Variants in HERC2 observed in about 807,000 individuals in gnomAD.
HERC2 encodes the protein E3 ubiquitin-protein ligase HERC2.
In HERC2, 102 loss-of-function variants were observed where a neutral mutation model predicts 537.7. The observed-to-expected ratio is 0.19, with a 90% confidence interval of 0.16 to 0.22. HERC2 has a LOEUF of 0.22. Among genes scored for constraint, HERC2 ranks in the 10% least tolerant of loss-of-function variants. HERC2 has a pLI of 1.00. For synonymous variants in HERC2, 2,224 were observed against 2,466.2 expected (o/e 0.90, Z 2.91); for missense variants, 4,236 against 6,198.2 (o/e 0.68, Z 10.63).
chr15:28,308,834 G>A (rs2076862917), intron 2 of HERC2, among the ~76,000 whole-genome samples: 1 of 152,312 alleles, frequency 6.6e-6, no homozygotes, highest in African/African-American at 2.4e-5. Flanking sequence ...CTGTTGACAT[G>A]ATGTATCACA....
At chr15:28,156,321 G>T (rs1397904266) in intron 69 of HERC2, among the ~76,000 whole-genome samples, 3 of 152,156 alleles carry the variant, frequency 2.0e-5, no homozygotes, top group Admixed American at 6.5e-5. Flanking sequence ...TAGCTTGATG[G>T]GGATGGCATT....
In HERC2 at chr15:28,268,429, G is replaced by T; in HGVS notation, c.1598+36C>A. On this transcript the variant is annotated intron_variant, in intron 12 of 92. Transcript: ENST00000261609. This position sits in a 1 kb window ranked among gnomAD's most constrained non-coding sequence, Gnocchi z 4.7. Reference sequence around the variant, plus strand: ...TGTTTAGGATATGGCAACATAAAAGGAGAGTGTGTCCCCTACAGGAATAAG... The same window carrying T: ...TGTTTAGGATATGGCAACATAAAAGTAGAGTGTGTCCCCTACAGGAATAAG... 1.9e-6 allele frequency: 3 copies of T among 1,590,946 alleles called. No individual in the cohort carries two copies. Among genetic ancestry groups the T allele is most frequent in the Non-Finnish European group, 2.6e-6 (3 of 1,164,214 alleles).
intron 44 of HERC2, among the ~76,000 whole-genome samples, chr15:28,207,014 C>CAA (rs545800321): frequency 3.7e-5 from 5 of 135,792 alleles, no homozygotes; most frequent in Admixed American, 1.5e-4. Context: ...CATCTCAAAA[C>CAA]AAAAAAAAAA....
intron 2 of HERC2, 31 bp from the exon 3 acceptor site, chr15:28,299,547 A>C (rs775429415): frequency 2.5e-6 from 3 of 1,177,704 alleles, no homozygotes; most frequent in Non-Finnish European, 3.8e-6. Flanking sequence ...AAGCTTACAG[A>C]GTGCTCACAC....
At chr15:28,144,290 T>C (rs376978108) in intron 72 of HERC2, 55 bp from the exon 73 acceptor site, 2 of 1,578,072 alleles carry the variant, frequency 1.3e-6, no homozygotes, top group East Asian at 2.2e-5. Context: ...TACCACCCCA[T>C]AAGAAGCCGC....
Position 28,182,481 on chromosome 15 carries a change from A to C in HERC2, c.8857T>G (p.Ser2953Ala), listed in dbSNP as rs2140197170. The C allele has an allele frequency of 6.2e-7, 1 of 1,613,716 alleles. No homozygotes were observed. The highest frequency in any genetic ancestry group is 1.1e-5 in the South Asian group (1 of 91,062). ...LIRKKAAGLE[S>A]AATIRTKVFV... ...ACCTTGGTTCTTATCGTAGCTGCTG[A>C]TTCCAGCCCAGCAGCCTTCTTTCTA... The change falls in exon 57 of 93, where the codon TCA becomes GCA. Residue 2953 changes from serine (S) to alanine (A), a missense_variant. Around this residue, in one of 27 missense-constraint regions of HERC2, gnomAD observed 606 missense variants for 884.5 expected, o/e 0.69. Coordinates refer to ENST00000261609, the MANE Select transcript of HERC2 (RefSeq NM_004667.6).
intron 2 of HERC2, among the ~76,000 whole-genome samples, chr15:28,318,389 G>C (rs1467756480): frequency 6.6e-6 from 1 of 152,164 alleles, no homozygotes; most frequent in Non-Finnish European, 1.5e-5. Context: ...CACTTCCGGA[G>C]GCCGAGACGG....
intron 43 of HERC2, among the ~76,000 whole-genome samples, chr15:28,211,929 G>C (rs1237765395): frequency 2.0e-5 from 3 of 152,192 alleles, no homozygotes; most frequent in African/African-American, 7.2e-5. Context: ...AATGAGCAGA[G>C]AGAAGAGCTC....
intron 83 of HERC2, among the ~76,000 whole-genome samples, chr15:28,128,463 GAATT>G (rs1309144848): frequency 6.6e-6 from 1 of 152,114 alleles, no homozygotes; most frequent in Non-Finnish European, 1.5e-5. Flanking sequence ...AAATTTAAAA[GAATT>G]AAATAAGTCA....
rs1321652197 is a variant in HERC2 at position 28,212,480 on chromosome 15, T to C, written c.6890A>G (p.His2297Arg). Reference protein sequence around the residue: ...VNLAGSKLEKHKIKKSTKQAF... With the variant: ...VNLAGSKLEKRKIKKSTKQAF... ...CTGTTTAGTCGATTTCTTTATTTTG[T>C]GCTTTTCTAACTTGCTTCCAGCGAG... is the stretch of plus-strand genomic sequence containing the variant. The change falls in exon 43 of 93, where the codon CAC (histidine) becomes CGC (arginine). Residue 2297 changes from histidine to arginine, a missense_variant. Coordinates refer to ENST00000261609, the MANE Select transcript of HERC2 (RefSeq NM_004667.6). 6.2e-7 allele frequency: 1 copy of C among 1,609,368 alleles called. No individual in the cohort carries two copies. The highest frequency in any genetic ancestry group is 8.5e-7 in the Non-Finnish European group (1 of 1,177,650).
chr15:28,321,349 T>C lies in HERC2; in HGVS notation c.72+13A>G, dbSNP rs1475563424. 14 of 759,786 alleles carry C rather than the reference T, an allele frequency of 1.8e-5. No homozygotes were observed. The highest frequency in any genetic ancestry group is 4.3e-5 in the South Asian group (3 of 69,962). 47.1% of individuals were successfully genotyped at this position (759,786 alleles called of 1,614,324 possible). On this transcript the variant is annotated intron_variant, in intron 2 of 92. Transcript: ENST00000261609. ...GCAGAAACACACCAAGAAAAAGACA[T>C]GTCAAACCCCACCTGTATATCTGTT...
chr15:28,220,644 C>T lies in HERC2; in HGVS notation c.5653G>A (p.Asp1885Asn). 1 of 1,603,648 alleles carries T rather than the reference C, an allele frequency of 6.2e-7. No individual in the cohort carries two copies. ...CGGCCTAGGCCTGGAGGAGGCCCAT[C>T]CTGAGAAAGCCAAAGTAGAGATCAG... ...RGVDWKWGDQ[D>N]GPPPGLGRVI... The change falls in exon 37 of 93, where the codon GAT becomes AAT. Residue 1885 changes from aspartate (D) to asparagine (N), a missense_variant and splice_region_variant. By Grantham distance (23) the Asp-to-Asn change is conservative. This residue lies in a region of HERC2 where 365 missense variants were observed against 468.8 expected (regional missense o/e 0.78). Transcript: ENST00000261609.
intron 76 of HERC2, 22 bp from the exon 77 acceptor site, chr15:28,141,868 T>C (rs1280962404): frequency 6.5e-7 from 1 of 1,550,302 alleles, no homozygotes; most frequent in South Asian, 1.1e-5. Flanking sequence ...TATTATGATG[T>C]TACAAATCAA....
At position 28,269,447 on chromosome 15, in the gene HERC2, A is replaced by T. The variant is rs1380137317; in HGVS notation, c.1258-11T>A. 1.3e-6 allele frequency: 2 copies of T among 1,592,252 alleles called. No individual in the cohort carries two copies. The highest frequency in any genetic ancestry group is 1.3e-5 in the African/African-American group (1 of 74,494). On this transcript the variant is annotated splice_polypyrimidine_tract_variant and intron_variant, in intron 10 of 92. Coordinates refer to ENST00000261609, the MANE Select transcript of HERC2 (RefSeq NM_004667.6). Reference sequence around the variant, plus strand: ...CTCTTGCAATGATCCCTGTAAGATAAGAAAGTAAACATTTCCTTTAACAAC... The same window carrying T: ...CTCTTGCAATGATCCCTGTAAGATATGAAAGTAAACATTTCCTTTAACAAC...
At chr15:28,125,228 A>G (rs1889344766) in intron 83 of HERC2, 35 bp from the exon 84 acceptor site, 8 of 1,548,524 alleles carry the variant, frequency 5.2e-6, no homozygotes, top group Non-Finnish European at 7.1e-6. Context: ...GAACCTGTAT[A>G]CTAGGGCCAA....
chr15:28,130,139 C>T (rs748736694), intron 83 of HERC2, 24 bp downstream of exon 83: 17 of 1,613,692 alleles, frequency 1.1e-5, no homozygotes, highest in Non-Finnish European at 1.4e-5. Flanking sequence ...GGCCTCAGTC[C>T]TGCGGCACTG....
Position 28,114,705 on chromosome 15 carries a change from C to G in HERC2, c.13820G>C (p.Ser4607Thr). 6.2e-7 allele frequency: 1 copy of G among 1,614,136 alleles called. No individual in the cohort carries two copies. The highest frequency in any genetic ancestry group is 1.1e-5 in the South Asian group (1 of 91,072). The change falls in exon 90 of 93, where the codon AGT (serine) becomes ACT (threonine). Residue 4607 changes from serine to threonine, a missense_variant. Physicochemically the swap from Ser to Thr is moderately conservative, Grantham distance 58. Transcript: ENST00000261609. ...CAACTGAATGTCCTGGCCACTGGCACTTGGCACTGTGAAGGGCAGGCTCAT... is the reference window on the plus strand; with the variant it reads ...CAACTGAATGTCCTGGCCACTGGCAGTTGGCACTGTGAAGGGCAGGCTCAT... ...EAMSLPFTVP[S>T]ASGQDIQLSS...
intron 2 of HERC2, among the ~76,000 whole-genome samples, chr15:28,315,346 G>C (rs2077052732): frequency 6.6e-6 from 1 of 152,232 alleles, no homozygotes; most frequent in African/African-American, 2.4e-5. Context: ...CAACTCTCTT[G>C]CGTGACATCA....
At chr15:28,139,816 T>C (rs1596029651) in intron 78 of HERC2, among the ~76,000 whole-genome samples, 1 of 151,746 alleles carries the variant, frequency 6.6e-6, no homozygotes, top group Non-Finnish European at 1.5e-5. Flanking sequence ...ATCCCAGCAC[T>C]TTGGGAGGCC....
Sources: allele counts gnomAD v4.1 joint callset (sites outside exome capture counted in the v4.1 genomes callset), GRCh38; gene constraint gnomAD v4.1.1; regional missense constraint gnomAD v4.1.1; non-coding constraint Gnocchi (gnomAD v3.1); transcripts MANE v1.5; gene names NCBI Gene and HGNC (gene_info 2026-07-23, HGNC 2026-07-21).